Variants in PSD3 observed in about 807,000 individuals in gnomAD.
PSD3 encodes the protein PH and SEC7 domain-containing protein 3.
Under a neutral mutation model 105.5 loss-of-function variants are expected in PSD3, and 49 were observed. The ratio of observed to expected loss-of-function variants is 0.46; its 90% CI spans 0.37 to 0.59. The LOEUF is 0.59. Among genes scored for constraint, PSD3 ranks in the 20% least tolerant of loss-of-function variants. The pLI is 0.00. For missense variants in PSD3, 1,561 were observed against 1,263.8 expected (o/e 1.24, Z -3.57); for synonymous variants, 557 against 457.8 (o/e 1.22, Z -2.77).
chr8:18,654,565 G>A (rs533425852), intron 10 of PSD3, among the ~76,000 whole-genome samples: 10 of 152,108 alleles, frequency 6.6e-5, no homozygotes, highest in South Asian at 2.1e-4. Context: ...ATTGATTAGG[G>A]AAATTTTAAC....
chr8:18,717,587 T>C (rs73666696), intron 9 of PSD3, among the ~76,000 whole-genome samples: 27,807 of 152,140 alleles, frequency 0.18, 4,461 homozygotes, highest in African/African-American at 0.43. Flanking sequence ...AACAAATTTG[T>C]TATATTATAT....
chr8:18,995,689 C>T (rs1469799450), intron 1 of PSD3, among the ~76,000 whole-genome samples: 1 of 152,050 alleles, frequency 6.6e-6, no homozygotes, highest in African/African-American at 2.4e-5. Context: ...AGGAAGGCCT[C>T]ACAACCATGG....
intron 15 of PSD3, among the ~76,000 whole-genome samples, chr8:18,546,922 A>T (rs971328180): frequency 1.3e-5 from 2 of 152,168 alleles, no homozygotes; most frequent in Admixed American, 6.5e-5. Context: ...TGCCAGGGAC[A>T]TATTTGCTGG....
chr8:18,565,819 C>A (rs1046276885), intron 14 of PSD3, among the ~76,000 whole-genome samples: 1 of 152,028 alleles, frequency 6.6e-6, no homozygotes, highest in Non-Finnish European at 1.5e-5. Flanking sequence ...TGGATTTTGA[C>A]CCCAGAAGAT....
intron 9 of PSD3, among the ~76,000 whole-genome samples, chr8:18,739,446 A>G (rs1804396765): frequency 6.6e-6 from 1 of 152,218 alleles, no homozygotes; most frequent in African/African-American, 2.4e-5. Context: ...TGGACTCTAT[A>G]GAGAACCAGA....
intron 9 of PSD3, among the ~76,000 whole-genome samples, chr8:18,657,796 C>G (rs1019738422): frequency 1.3e-5 from 2 of 152,148 alleles, no homozygotes; most frequent in Non-Finnish European, 2.9e-5. Context: ...AGAGACAGAT[C>G]ATTAAAGGTT....
chr8:19,037,398 C>T (rs1827980075), intron 1 of PSD3, among the ~76,000 whole-genome samples: 2 of 152,194 alleles, frequency 1.3e-5, no homozygotes, highest in Admixed American at 6.5e-5. Context: ...ATGATAGATC[C>T]GTGGCAACTT....
At chr8:18,614,081 T>C (rs138850589) in intron 11 of PSD3, among the ~76,000 whole-genome samples, 53 of 152,338 alleles carry the variant, frequency 3.5e-4, no homozygotes, top group African/African-American at 1.2e-3. Context: ...TCTTACTGCA[T>C]TGCGGTCTGG....
chr8:18,997,182 C>G (rs747192372), intron 1 of PSD3, among the ~76,000 whole-genome samples: 1 of 151,868 alleles, frequency 6.6e-6, no homozygotes, highest in Non-Finnish European at 1.5e-5. Context: ...TCTAACCCAG[C>G]CCCTTCCTCT....
At chr8:19,048,361 G>T (rs1336645002) in intron 1 of PSD3, among the ~76,000 whole-genome samples, 5 of 152,288 alleles carry the variant, frequency 3.3e-5, no homozygotes, top group African/African-American at 9.6e-5. Context: ...CTCATTTAAA[G>T]CCTGCACCTT....
At chr8:18,739,687 C>T (rs150318603) in intron 9 of PSD3, among the ~76,000 whole-genome samples, 159 of 152,154 alleles carry the variant, frequency 1.0e-3, no homozygotes, top group Non-Finnish European at 1.7e-3. Context: ...AAATCAACAA[C>T]TTATCATTGT....
chr8:19,003,576 T>C (rs539793033), intron 1 of PSD3, among the ~76,000 whole-genome samples: 8 of 152,004 alleles, frequency 5.3e-5, no homozygotes, highest in Non-Finnish European at 8.8e-5. Context: ...TGTGTGACTA[T>C]GGGAGGCCTC....
intron 9 of PSD3, among the ~76,000 whole-genome samples, chr8:18,708,619 G>A (rs1802044138): frequency 6.6e-6 from 1 of 152,174 alleles, no homozygotes; most frequent in Middle Eastern, 3.4e-3. Flanking sequence ...GTACATAAAA[G>A]ATGCAAATAT....
At chr8:18,726,777 T>G (rs1410921000) in intron 9 of PSD3, among the ~76,000 whole-genome samples, 1 of 152,216 alleles carries the variant, frequency 6.6e-6, no homozygotes, top group Non-Finnish European at 1.5e-5. Flanking sequence ...AAACCAAAAC[T>G]ACTATCTTAA....
At chr8:18,773,940 T>C (rs1807787674) in intron 8 of PSD3, among the ~76,000 whole-genome samples, 1 of 152,230 alleles carries the variant, frequency 6.6e-6, no homozygotes, top group Non-Finnish European at 1.5e-5. Context: ...TAGTTTCACT[T>C]GAACTTATTT....
At chr8:18,601,965 A>G (rs184826737) in intron 11 of PSD3, among the ~76,000 whole-genome samples, 15 of 152,294 alleles carry the variant, frequency 9.8e-5, no homozygotes, top group Admixed American at 2.0e-4. Flanking sequence ...CCTGGTCTGA[A>G]AACTATCCTC....
At chr8:19,004,708 G>C (rs536238134) in intron 1 of PSD3, among the ~76,000 whole-genome samples, 2 of 152,196 alleles carry the variant, frequency 1.3e-5, no homozygotes, top group East Asian at 3.9e-4. Flanking sequence ...AACTCATCTT[G>C]AATCGGAACT....
In PSD3 at chr8:18,699,866, CA is replaced by C. The variant is rs67238769; in HGVS notation, c.2173-44182del. ...TACAAACAATAATGAGATCCCCACC[CA>C]AAAAAAAAAACCACAAAAATCAAGC... On this transcript the variant is annotated intron_variant, in intron 9 of 15. Transcript: ENST00000327040. Among the ~76,000 whole-genome samples, 1,077 of 140,936 alleles carry C rather than the reference CA, an allele frequency of 7.6e-3. 9 individuals are homozygous for C. Among genetic ancestry groups the C allele is most frequent in the African/African-American group, 0.023 (888 of 38,646 alleles). 92.5% of individuals were successfully genotyped at this position (140,936 alleles called of 152,430 possible). A position where few individuals can be genotyped will look rare whatever the true frequency, so the allele number is the denominator to read the frequency against.
At chr8:18,626,581 T>C (rs1806495650) in intron 11 of PSD3, among the ~76,000 whole-genome samples, 1 of 152,160 alleles carries the variant, frequency 6.6e-6, no homozygotes, top group Non-Finnish European at 1.5e-5. Context: ...TTCATTTTTT[T>C]CTGTGTAGTG....
Sources: gnomAD v4.1 joint callset for allele counts (sites outside exome capture counted in the v4.1 genomes callset) on GRCh38, gnomAD v4.1.1 for gene constraint, MANE v1.5 for transcripts, NCBI Gene and HGNC (gene_info 2026-07-23, HGNC 2026-07-21) for gene names.